PARVB: variants seen among roughly 807,000 people sequenced by gnomAD.
PARVB encodes parvin beta.
In PARVB, 46 loss-of-function variants were observed where a neutral mutation model predicts 47.0. The observed-to-expected ratio is 0.98, with a 90% CI of 0.77 to 1.25. The LOEUF (loss-of-function observed/expected upper bound fraction) is 1.25. PARVB is among the 50% of genes most tolerant of loss of function. The pLI is 0.00. For synonymous variants in PARVB, 196 were observed against 196.3 expected (o/e 1.00, Z 0.01); for missense variants, 473 against 471.6 (o/e 1.00, Z -0.03).
intron 1 of PARVB, among the ~76,000 whole-genome samples, chr22:44,030,403 G>T (rs1282959030): frequency 2.0e-5 from 3 of 152,184 alleles, no homozygotes; most frequent in African/African-American, 7.2e-5. Flanking sequence ...AGACCCCCAG[G>T]CAGGCTCCCA....
chr22:44,066,490 G>A (rs1169282425), intron 1 of PARVB, among the ~76,000 whole-genome samples: 1 of 152,148 alleles, frequency 6.6e-6, no homozygotes, highest in Non-Finnish European at 1.5e-5. Context: ...TTGTATTTAT[G>A]CATGTATTGA....
At chr22:44,059,238 G>A (rs968362923) in intron 1 of PARVB, among the ~76,000 whole-genome samples, 4 of 151,840 alleles carry the variant, frequency 2.6e-5, no homozygotes, top group African/African-American at 9.7e-5. Context: ...TAGAGACGGG[G>A]TTTCACAATG....
chr22:44,001,254 AAATCAATCAATC>A (rs995651722), intron 2 of PARVB, among the ~76,000 whole-genome samples: 1 of 152,206 alleles, frequency 6.6e-6, no homozygotes, highest in African/African-American at 2.4e-5. Context: ...CATCTCAGAA[AAATCAATCAATC>A]AATCAATAAA....
At chr22:44,118,998 C>T (rs377139927) in intron 3 of PARVB, 40 bp from the exon 4 acceptor site, 81 of 1,390,278 alleles carry the variant, frequency 5.8e-5, no homozygotes, top group Non-Finnish European at 7.9e-5. Context: ...ATTGCCGTGG[C>T]GCTGGTGGAC....
chr22:44,088,891 G>A (rs527525792), intron 1 of PARVB, among the ~76,000 whole-genome samples: 45 of 152,330 alleles, frequency 3.0e-4, no homozygotes, highest in African/African-American at 1.0e-3. Context: ...TCAGCAATAT[G>A]GGTTGGACAA....
rs2053526199 is a variant in PARVB, at chr22:44,140,298, AC to A, written c.712+160del. On this transcript the variant is annotated intron_variant, in intron 8 of 12. Transcript: ENST00000338758. Reference sequence around the variant, plus strand: ...GAATCCTAGAGAAAGTGCACAGCCCACCCCCACCTTTCTGTATAATGGGCTT... The same window carrying A: ...GAATCCTAGAGAAAGTGCACAGCCCACCCCACCTTTCTGTATAATGGGCTT... The A allele has an allele frequency of 3.8e-6, 3 of 783,970 alleles. No individual in the cohort carries two copies. The East Asian group carries it at 7.5e-5, about 20-fold the overall frequency. The allele number at this position is 783,970 out of a possible 1,614,324, so 48.6% of individuals were successfully genotyped here.
intron 2 of PARVB, among the ~76,000 whole-genome samples, chr22:44,013,926 C>A (rs1040277091): frequency 1.5e-4 from 23 of 152,170 alleles, no homozygotes; most frequent in African/African-American, 5.3e-4. Context: ...AGCCACCATG[C>A]CTGGCTCGGT....
chr22:44,126,278 A>T (rs1354810050), intron 4 of PARVB, among the ~76,000 whole-genome samples: 1 of 152,234 alleles, frequency 6.6e-6, no homozygotes. Context: ...CCATCTTAGA[A>T]TGAGATCCCA....
Position 44,024,399 on chromosome 22 carries a change from G to T in PARVB, c.60G>T (p.Ser20=). 2 of 1,260,306 alleles carry T rather than the reference G, an allele frequency of 1.6e-6. No individual in the cohort carries two copies. The highest frequency in any genetic ancestry group is 4.1e-5 in the East Asian group (1 of 24,626). The allele number at this position is 1,260,306 out of a possible 1,614,324, so 78.1% of individuals were successfully genotyped here. Residue 20 remains serine (S), a synonymous_variant, in exon 1 of 13, where the codon TCG becomes TCT. Coordinates refer to ENST00000338758, the MANE Select transcript of PARVB (RefSeq NM_013327.5). ...CCCGCAGGATGAAGAAGGACGAGTC[G>T]TTCCTGGGCAAGCTGGGCGGCACCC... ...PRPRRMKKDE[S]FLGKLGGTLA...
intron 2 of PARVB, among the ~76,000 whole-genome samples, chr22:44,011,201 A>AGGTT (rs1222877721): frequency 5.3e-5 from 8 of 152,060 alleles, no homozygotes; most frequent in Non-Finnish European, 1.0e-4. Context: ...CTCGAACTCC[A>AGGTT]GGGCTCAAGT....
At chr22:44,100,340 C>T (rs980052386) in intron 3 of PARVB, among the ~76,000 whole-genome samples, 4 of 152,158 alleles carry the variant, frequency 2.6e-5, no homozygotes, top group African/African-American at 9.7e-5. Context: ...TCGGCTGGGG[C>T]TTTAACGACC....
Position 44,155,332 on chromosome 22 carries a change from TCTGCTCC to T in PARVB, c.844-2644_844-2638del, listed in dbSNP as rs1206236482. 3.3e-5 allele frequency among the ~76,000 whole-genome samples: 5 copies of T among 152,100 alleles called. No individual in the cohort carries two copies. The highest frequency in any genetic ancestry group is 9.7e-5 in the African/African-American group (4 of 41,400). On this transcript the variant is annotated intron_variant, in intron 10 of 12. Transcript: ENST00000338758. This position sits in a 1 kb window ranked among gnomAD's most constrained non-coding sequence, Gnocchi z 4.8. ...GGGGCCTCTGGGCCTCCGTGGGGAT[TCTGCTCC>T]CTGCTGAGCTAGACAGCAGGTTGTG...
chr22:44,036,040 T>G (rs534728003), intron 1 of PARVB, among the ~76,000 whole-genome samples: 1 of 152,142 alleles, frequency 6.6e-6, no homozygotes, highest in African/African-American at 2.4e-5. Context: ...GGCGGATCAC[T>G]TAAGGTCAGG....
chr22:44,109,143 A>AT (rs1179461697), intron 3 of PARVB: 1 of 152,300 alleles, frequency 6.6e-6, no homozygotes, highest in Admixed American at 6.5e-5. Flanking sequence ...CTGGGCAGAA[A>AT]TTGGTGCTGT....
At chr22:44,039,059 G>A (rs1489426227) in intron 1 of PARVB, among the ~76,000 whole-genome samples, 2 of 152,168 alleles carry the variant, frequency 1.3e-5, no homozygotes, top group East Asian at 3.9e-4. Context: ...GAGAAGAACA[G>A]GGAATGCCCC....
chr22:44,048,066 A>C (rs2051144974), intron 1 of PARVB, among the ~76,000 whole-genome samples: 2 of 152,074 alleles, frequency 1.3e-5, no homozygotes, highest in South Asian at 2.1e-4. Context: ...GCAGCTTTGC[A>C]GTTGGAGAGG....
intron 1 of PARVB, among the ~76,000 whole-genome samples, chr22:44,056,202 A>G (rs2051308451): frequency 2.0e-5 from 3 of 152,288 alleles, no homozygotes; most frequent in South Asian, 2.1e-4. Context: ...GCACAGCCCC[A>G]TTTACTTGGG....
At chr22:44,005,640 C>G (rs1317295101) in intron 2 of PARVB, among the ~76,000 whole-genome samples, 1 of 152,096 alleles carries the variant, frequency 6.6e-6, no homozygotes, top group African/African-American at 2.4e-5. Flanking sequence ...CCTCTCCACA[C>G]CCAAGTAACG....
intron 3 of PARVB, chr22:44,107,699 T>A (rs1280104294): frequency 6.6e-6 from 1 of 152,042 alleles, no homozygotes; most frequent in Non-Finnish European, 1.5e-5. Context: ...CAGTCACACT[T>A]ACATAATGAA....
Sources: gnomAD v4.1 joint callset for allele counts (sites outside exome capture counted in the v4.1 genomes callset) on GRCh38, gnomAD v4.1.1 for gene constraint, Gnocchi (gnomAD v3.1) non-coding constraint, MANE v1.5 for transcripts, NCBI Gene and HGNC (gene_info 2026-07-23, HGNC 2026-07-21) for gene names.